Variants in HSH2D observed in about 807,000 individuals in gnomAD.
HSH2D encodes hematopoietic SH2 domain containing.
A neutral mutation model predicts 21.5 loss-of-function variants in HSH2D; 16 were observed. The observed-to-expected ratio is 0.74, with a 90% CI of 0.50 to 1.13. The LOEUF (loss-of-function observed/expected upper bound fraction) is 1.13, where lower values mean the gene tolerates loss of function less well. Among genes scored for constraint, HSH2D ranks in the 50% most tolerant of loss-of-function variants. The pLI is 0.00. For missense variants in HSH2D, 418 were observed against 441.4 expected (o/e 0.95, Z 0.47); for synonymous variants, 172 against 184.7 (o/e 0.93, Z 0.56).
intron 2 of HSH2D, chr19:16,151,436 TG>T (rs1259022917): frequency 2.4e-6 from 1 of 424,948 alleles, no homozygotes; most frequent in East Asian, 7.5e-5. Flanking sequence ...AAGTTCTTTC[TG>T]TTCTCACAGC....
In HSH2D at chr19:16,143,766, G is replaced by T; in HGVS notation, c.-36G>T. ...CAGCGAGGGCCTCGGCCATCCAAGG[G>T]TCTCCCAGGTATGTGACCCAAGAGC... is the stretch of plus-strand genomic sequence containing the variant. On this transcript the variant is annotated 5_prime_UTR_variant, in exon 1 of 6. Coordinates refer to ENST00000613986, the MANE Select transcript of HSH2D (RefSeq NM_001382417.1). 1 of 452,290 alleles carries T rather than the reference G, an allele frequency of 2.2e-6. No homozygotes were observed. The highest frequency in any genetic ancestry group is 4.5e-6 in the Non-Finnish European group (1 of 224,462). The allele number at this position is 452,290 out of a possible 1,614,324, so 28.0% of individuals were successfully genotyped here.
At chr19:16,152,408 ACT>A in intron 2 of HSH2D, 142 bp from the exon 3 acceptor site, 1 of 456,332 alleles carries the variant, frequency 2.2e-6, no homozygotes. Context: ...ACAGAGCGAG[ACT>A]CTGTCTCAAA....
intron 1 of HSH2D, 129 bp downstream of exon 1, chr19:16,143,903 T>G: frequency 7.6e-6 from 2 of 262,424 alleles, no homozygotes; most frequent in Non-Finnish European, 1.6e-5. Context: ...GGGGAGAGCT[T>G]CGTGGAGGAG....
At chr19:16,140,192 C>T (rs2090990735), upstream of HSH2D, among the ~76,000 whole-genome samples, 1 of 152,074 alleles carries the variant, frequency 6.6e-6, no homozygotes, top group South Asian at 2.1e-4. Flanking sequence ...AATGCCAGCA[C>T]TTTGGGAAGT....
chr19:16,138,360 A>G (rs2090977955), intron 1 of HSH2D, among the ~76,000 whole-genome samples: 1 of 152,178 alleles, frequency 6.6e-6, no homozygotes, highest in South Asian at 2.1e-4. Context: ...TCATTCATGG[A>G]CATTTGGGTT....
chr19:16,142,875 C>A (rs868137687), upstream of HSH2D, among the ~76,000 whole-genome samples: 2 of 152,076 alleles, frequency 1.3e-5, no homozygotes, highest in East Asian at 3.9e-4. Context: ...CTGGTCCAAG[C>A]GATTCTCTTG....
chr19:16,147,089 G>T (rs1399982081), intron 1 of HSH2D, among the ~76,000 whole-genome samples: 1 of 152,024 alleles, frequency 6.6e-6, no homozygotes, highest in Non-Finnish European at 1.5e-5. Flanking sequence ...GCCTCCCAAA[G>T]TGCTGGGATT....
intron 2 of HSH2D, among the ~76,000 whole-genome samples, chr19:16,150,396 A>G (rs1234514655): frequency 6.6e-6 from 1 of 152,148 alleles, no homozygotes; most frequent in Non-Finnish European, 1.5e-5. Flanking sequence ...AAAATTAGCC[A>G]GGCGTGGTGG....
At chr19:16,134,223 G>C (rs2090944383) in exon 1 of HSH2D, 1 of 152,232 alleles carries the variant, frequency 6.6e-6, no homozygotes. Flanking sequence ...CCAACAATGA[G>C]TTGTAACAAC....
Position 16,148,784 on chromosome 19 carries a change from C to T in HSH2D, c.34C>T (p.Pro12Ser), listed in dbSNP as rs1347760484. ...GGCCGGGAAGCTGCCCCTACCGCTA[C>T]CCCCACGGCTGGACTGGTTTGTGCA... ...TEAGKLPLPL[P>S]PRLDWFVHTQ... Residue 12 changes from proline to serine, a missense_variant, in exon 2 of 6, where the codon CCC becomes TCC. Pro to Ser is a moderately conservative substitution (Grantham distance 74). Coordinates refer to ENST00000613986, the MANE Select transcript of HSH2D (RefSeq NM_001382417.1). The T allele has an allele frequency of 5.0e-6, 8 of 1,613,926 alleles. No homozygotes were observed. The highest frequency in any genetic ancestry group is 6.8e-6 in the Non-Finnish European group (8 of 1,179,874).
At chr19:16,149,600 T>A (rs2091120909) in intron 2 of HSH2D, among the ~76,000 whole-genome samples, 1 of 151,212 alleles carries the variant, frequency 6.6e-6, no homozygotes, top group Non-Finnish European at 1.5e-5. Context: ...TATTTTTTTT[T>A]TTTGAGACAG....
chr19:16,137,348 C>G (rs988650306), intron 1 of HSH2D, among the ~76,000 whole-genome samples: 1 of 152,034 alleles, frequency 6.6e-6, no homozygotes, highest in Non-Finnish European at 1.5e-5. Context: ...GGTCATCCGG[C>G]CGGGCGCGGT....
At position 16,153,028 on chromosome 19, in the gene HSH2D, G is replaced by A. The variant is rs931405118; in HGVS notation, c.216-15G>A. 17 of 1,605,524 alleles carry A rather than the reference G, an allele frequency of 1.1e-5. No homozygotes were observed. The African/African-American group carries it at 1.5e-4, about 14-fold the overall frequency. On this transcript the variant is annotated splice_polypyrimidine_tract_variant and intron_variant, in intron 3 of 5. Transcript: ENST00000613986. ...GGGGGAGTAGGATGTCCCAGCCCCC[G>A]CAGTGTCTCCGCAGAGCCCAAAGCA... is the stretch of plus-strand genomic sequence containing the variant.
At chr19:16,154,624 A>C (rs1477249157) in intron 5 of HSH2D, 133 bp downstream of exon 5, 3 of 562,078 alleles carry the variant, frequency 5.3e-6, no homozygotes, top group African/African-American at 1.9e-5. Flanking sequence ...AAACCTTTCC[A>C]GTGCTTTTGC....
At chr19:16,146,395 G>T (rs569580149) in intron 1 of HSH2D, among the ~76,000 whole-genome samples, 1 of 152,306 alleles carries the variant, frequency 6.6e-6, no homozygotes, top group East Asian at 1.9e-4. Context: ...AACCAAGGCA[G>T]CCAGGCACTG....
chr19:16,156,999 GGAA>G lies in HSH2D; in HGVS notation c.475-204_475-202del, dbSNP rs1399223777. On this transcript the variant is annotated intron_variant, in intron 5 of 5. Transcript: ENST00000613986. Reference sequence around the variant, plus strand: ...AAACTCCATCTCAAAAAAAAAAAAAGGAAGAAGAACAAGTTTGCCAACCCCTGG... The same window carrying G: ...AAACTCCATCTCAAAAAAAAAAAAAGGAAGAACAAGTTTGCCAACCCCTGG... Among the ~76,000 whole-genome samples, 10 of 151,674 alleles carry G rather than the reference GGAA, an allele frequency of 6.6e-5. 1 individual carries two copies. Among genetic ancestry groups the G allele is most frequent in the East Asian group, 1.9e-4 (1 of 5,160 alleles).
rs1028175084 is a variant in HSH2D at position 16,157,846 on chromosome 19, C to T, written c.*52C>T. The T allele has an allele frequency of 7.6e-7, 1 of 1,313,760 alleles. No individual in the cohort carries two copies. Among genetic ancestry groups the T allele is most frequent in the Non-Finnish European group, 1.0e-6 (1 of 970,276 alleles). The allele number at this position is 1,313,760 out of a possible 1,614,324, so 81.4% of individuals were successfully genotyped here. Reference sequence around the variant, plus strand: ...CTCGCTGCCAGGGGCTGCCACACTCCTGAATGCCTTAACATTTCTTCCATG... The same window carrying T: ...CTCGCTGCCAGGGGCTGCCACACTCTTGAATGCCTTAACATTTCTTCCATG... On this transcript the variant is annotated 3_prime_UTR_variant, in exon 6 of 6. Coordinates refer to ENST00000613986, the MANE Select transcript of HSH2D (RefSeq NM_001382417.1). The surrounding 1 kb of genome is among the most constrained non-coding windows in gnomAD (Gnocchi z 4.4).
chr19:16,139,770 T>C (rs1207765735), upstream of HSH2D: 1 of 152,174 alleles, frequency 6.6e-6, no homozygotes, highest in Non-Finnish European at 1.5e-5. Flanking sequence ...CAGATCTGTC[T>C]CCCTGGAGAA....
At chr19:16,144,554 A>C (rs554059897) in intron 1 of HSH2D, among the ~76,000 whole-genome samples, 1 of 151,978 alleles carries the variant, frequency 6.6e-6, no homozygotes. Flanking sequence ...TCCTAGGTAA[A>C]TATCATTATT....
Sources: allele counts gnomAD v4.1 joint callset (sites outside exome capture counted in the v4.1 genomes callset), GRCh38; gene constraint gnomAD v4.1.1; non-coding constraint Gnocchi (gnomAD v3.1); transcripts MANE v1.5; gene names NCBI Gene and HGNC (gene_info 2026-07-23, HGNC 2026-07-21).